EPN3: variants seen among roughly 807,000 people sequenced by gnomAD.
EPN3 encodes the protein epsin-3.
Under a neutral mutation model 55.5 loss-of-function variants are expected in EPN3, and 56 were observed. The ratio of observed to expected loss-of-function variants is 1.01; its 90% confidence interval spans 0.81 to 1.26. The LOEUF (loss-of-function observed/expected upper bound fraction) is 1.26, where lower values mean the gene tolerates loss of function less well. EPN3 is among the 50% of genes most tolerant of loss of function. The probability of loss-of-function intolerance (pLI) is 0.00; values close to 1 mark genes in which losing one functional copy is unlikely to be tolerated. For synonymous variants in EPN3, 449 were observed against 375.2 expected (o/e 1.20, Z -2.27); for missense variants, 927 against 853.4 (o/e 1.09, Z -1.07).
At chr17:50,534,097 AGGCTTCTTCCTTTCCTCCTCCCTTCTCTG>A (rs2034723172) in intron 1 of EPN3, among the ~76,000 whole-genome samples, 1 of 20,322 alleles carries the variant, frequency 4.9e-5, no homozygotes, top group Admixed American at 5.3e-4. Context: ...GCGCTTGGGC[AGGCTTCTTCCTTTCCTCCTCCCTTCTCTG>A]CGCTTGGGCA....
chr17:50,537,261 G>GC lies in EPN3; in HGVS notation c.562+144dup, dbSNP rs1255504917. 3.7e-6 allele frequency: 3 copies of GC among 811,262 alleles called. No homozygotes were observed. In the African/African-American group the frequency reaches 5.2e-5, roughly 14 times the overall value. The allele number at this position is 811,262 out of a possible 1,614,324, so 50.3% of individuals were successfully genotyped here. Reference sequence around the variant, plus strand: ...ACATAAGGAATGTAACACGCAAGGCGCAACACCCGGCACATAGGAGGTGCT... The same window carrying GC: ...ACATAAGGAATGTAACACGCAAGGCGCCAACACCCGGCACATAGGAGGTGCT... On this transcript the variant is annotated intron_variant, in intron 2 of 9. Transcript: ENST00000268933.
chr17:50,537,451 G>T, intron 2 of EPN3: 1 of 385,344 alleles, frequency 2.6e-6, no homozygotes, highest in South Asian at 2.9e-5. Context: ...CTGAACCTCA[G>T]TTTCCTCATC....
At chr17:50,540,727 T>C in intron 6 of EPN3, 66 bp from the exon 7 acceptor site, 1 of 1,513,788 alleles carries the variant, frequency 6.6e-7, no homozygotes, top group Non-Finnish European at 8.9e-7. Flanking sequence ...GCTGGGTAAC[T>C]GGGAAGGGCC....
chr17:50,537,803 G>A (rs1002352902), intron 2 of EPN3: 6 of 426,698 alleles, frequency 1.4e-5, no homozygotes, highest in African/African-American at 2.0e-5. Context: ...GCTGGAGTCA[G>A]GGCACCTGGG....
chr17:50,536,392 C>T (rs1597860044), intron 1 of EPN3, 29 bp from the exon 2 acceptor site: 2 of 1,452,902 alleles, frequency 1.4e-6, no homozygotes, highest in East Asian at 4.9e-5. Context: ...AGGCCTCTGC[C>T]CCTGAGTTCC....
Position 50,536,438 on chromosome 17 carries a change from G to A in EPN3, c.-119G>A, listed in dbSNP as rs564058181. Reference sequence around the variant, plus strand: ...TTCCTCAGCCCCATGTGGAACCCAAGGATGCAGCTGCTCTGCTAACACGGC... The same window carrying A: ...TTCCTCAGCCCCATGTGGAACCCAAAGATGCAGCTGCTCTGCTAACACGGC... On this transcript the variant is annotated 5_prime_UTR_variant, in exon 2 of 10. Coordinates refer to ENST00000268933, the MANE Select transcript of EPN3 (RefSeq NM_017957.3). 37 of 1,537,616 alleles carry A rather than the reference G, an allele frequency of 2.4e-5. No individual in the cohort carries two copies. Among genetic ancestry groups the A allele is most frequent in the Non-Finnish European group, 3.0e-5 (35 of 1,152,378 alleles).
intron 1 of EPN3, among the ~76,000 whole-genome samples, chr17:50,533,513 G>A (rs2034709779): frequency 6.6e-6 from 1 of 152,168 alleles, no homozygotes; most frequent in African/African-American, 2.4e-5. Context: ...GGGCTGGGCT[G>A]GTGGGTGCAC....
In EPN3 at chr17:50,541,752, GCC is replaced by G. The variant is rs2034851826; in HGVS notation, c.1585+59_1585+60del. ...CTCCTGCTTTCAGAGCCTAGCCTCC[GCC>G]GGAGGAGCCCACTCTTCTTCCCAAC... On this transcript the variant is annotated intron_variant, in intron 9 of 9. Coordinates refer to ENST00000268933, the MANE Select transcript of EPN3 (RefSeq NM_017957.3). 2.5e-6 allele frequency: 4 copies of G among 1,606,544 alleles called. No homozygotes were observed. In the African/African-American group the frequency reaches 4.0e-5, roughly 16 times the overall value.
Position 50,534,677 on chromosome 17 carries a change from C to T in EPN3, c.-137+1692C>T, listed in dbSNP as rs569897582. On this transcript the variant is annotated intron_variant, in intron 1 of 9. Coordinates refer to ENST00000268933, the MANE Select transcript of EPN3 (RefSeq NM_017957.3). ...GGTAGGCTGCGCTGTGGGCCAGGCA[C>T]TCTCCACCTCGCCCACTCCCACGGT... 2.3e-5 allele frequency: 23 copies of T among 979,990 alleles called. No individual in the cohort carries two copies. In the East Asian group the frequency reaches 2.3e-3, roughly 97 times the overall value. 60.7% of individuals were successfully genotyped at this position (979,990 alleles called of 1,614,324 possible).
chr17:50,540,582 G>A (rs2034833743), intron 6 of EPN3, among the ~76,000 whole-genome samples: 1 of 152,228 alleles, frequency 6.6e-6, no homozygotes, highest in Non-Finnish European at 1.5e-5. Flanking sequence ...CAGCACGCCT[G>A]GGAAGGTGGC....
Position 50,540,846 on chromosome 17 carries a change from C to T in EPN3, c.1033C>T (p.Pro345Ser). ...ATCCTCCTGGGGGCCTTCTGCAGAC[C>T]CCTGGTCTCCGATCCCCTCAGGAAC... ...SGSSWGPSAD[P>S]WSPIPSGTVL... Residue 345 changes from proline to serine, a missense_variant, in exon 7 of 10, where the codon CCC becomes TCC. Transcript: ENST00000268933. The T allele has an allele frequency of 6.2e-7, 1 of 1,614,032 alleles. No individual in the cohort carries two copies. Among genetic ancestry groups the T allele is most frequent in the Non-Finnish European group, 8.5e-7 (1 of 1,179,964 alleles).
intron 1 of EPN3, among the ~76,000 whole-genome samples, chr17:50,535,772 T>C (rs563597333): frequency 6.6e-6 from 1 of 152,256 alleles, no homozygotes; most frequent in Admixed American, 6.5e-5. Flanking sequence ...CTCCGGGAAA[T>C]AGGTGTTGAA....
rs1287864946 is a variant in EPN3, at chr17:50,542,004, G to A, written c.1746G>A (p.Pro582=). Reference sequence around the variant, plus strand: ...CCTACAGCGCCTCTCTGCCCCTCCCGCTCAGCAGCGTGCCAGCTGGCTTGA... The same window carrying A: ...CCTACAGCGCCTCTCTGCCCCTCCCACTCAGCAGCGTGCCAGCTGGCTTGA... The part of the protein sequence containing the change: ...SMTYSASLPL[P]LSSVPAGLTL... The change falls in exon 10 of 10, where the codon CCG becomes CCA. Residue 582 remains proline (P), a synonymous_variant. Transcript: ENST00000268933. The A allele has an allele frequency of 2.5e-6, 4 of 1,597,950 alleles. No individual in the cohort carries two copies. Among genetic ancestry groups the A allele is most frequent in the East Asian group, 4.5e-5 (2 of 44,692 alleles).
Position 50,536,857 on chromosome 17 carries a change from T to C in EPN3, c.301T>C (p.Tyr101His), listed in dbSNP as rs755014702. The change falls in exon 2 of 10, where the codon TAC (tyrosine) becomes CAC (histidine). Residue 101 changes from tyrosine to histidine, a missense_variant. By Grantham distance (83) the Tyr-to-His change is moderately conservative. Transcript: ENST00000268933. ...GGCCCACCAGTGCCGCGAGAACCTC[T>C]ACACCATCCAGACACTCAAGGACTT... ...RVAHQCRENL[Y>H]TIQTLKDFQY... The C allele has an allele frequency of 7.4e-6, 12 of 1,614,000 alleles. No homozygotes were observed. The East Asian group carries it at 2.5e-4, about 33-fold the overall frequency.
In EPN3 at chr17:50,537,099, C is replaced by T. The variant is rs751940935; in HGVS notation, c.543C>T (p.Gly181=). ...GCGAGGACTACAGCCGCTCCCGGGG[C>T]TCCCCGTCCTCCTACAACTGTGAGT... The part of the protein sequence containing the change: ...RYGEDYSRSR[G]SPSSYNSSSS... Residue 181 remains glycine (G), a synonymous_variant, in exon 2 of 10, where the codon GGC becomes GGT. Transcript: ENST00000268933. The T allele has an allele frequency of 1.9e-6, 3 of 1,603,896 alleles. No individual in the cohort carries two copies. The highest frequency in any genetic ancestry group is 2.5e-6 in the Non-Finnish European group (3 of 1,176,738).
At chr17:50,539,730 C>A (rs1320489520) in intron 5 of EPN3, among the ~76,000 whole-genome samples, 1 of 152,218 alleles carries the variant, frequency 6.6e-6, no homozygotes, top group Admixed American at 6.5e-5. Flanking sequence ...GGCTCATGGA[C>A]ATATTTTCTC....
At position 50,536,406 on chromosome 17, in the gene EPN3, C is replaced by A. The variant is rs771594606; in HGVS notation, c.-136-15C>A. 3 of 1,473,046 alleles carry A rather than the reference C, an allele frequency of 2.0e-6. No individual in the cohort carries two copies. In the East Asian group the frequency reaches 7.2e-5, roughly 35 times the overall value. The allele number at this position is 1,473,046 out of a possible 1,614,324, so 91.2% of individuals were successfully genotyped here. On this transcript the variant is annotated splice_polypyrimidine_tract_variant and intron_variant, in intron 1 of 9. Coordinates refer to ENST00000268933, the MANE Select transcript of EPN3 (RefSeq NM_017957.3). ...TAGGCCTCTGCCCCTGAGTTCCTGG[C>A]CCTCTCTTCCTCAGCCCCATGTGGA...
rs2034853264 is a variant in EPN3 at position 50,541,832 on chromosome 17, C to A, written c.1586-12C>A. On this transcript the variant is annotated splice_polypyrimidine_tract_variant and intron_variant, in intron 9 of 9. Coordinates refer to ENST00000268933, the MANE Select transcript of EPN3 (RefSeq NM_017957.3). ...GAACCCCGGGTCACTCAAAGCCACT[C>A]TCGTTCTGCAGGTCTCAGCGCTCCG... The A allele has an allele frequency of 6.2e-7, 1 of 1,611,034 alleles. No homozygotes were observed. The highest frequency in any genetic ancestry group is 1.7e-5 in the Admixed American group (1 of 60,018).
chr17:50,541,908 C>T lies in EPN3; in HGVS notation c.1650C>T (p.Asn550=). ...GAGEPGRPTL[N]QMRTGSPALG... ...GCGAGCCGGGCAGGCCGACGCTAAACCAGATGCGCACCGGCTCGCCGGCGC... is the reference window on the plus strand; with the variant it reads ...GCGAGCCGGGCAGGCCGACGCTAAATCAGATGCGCACCGGCTCGCCGGCGC... Residue 550 remains asparagine, a synonymous_variant, in exon 10 of 10, where the codon AAC becomes AAT. Transcript: ENST00000268933. 1.2e-6 allele frequency: 2 copies of T among 1,604,532 alleles called. No individual in the cohort carries two copies. The highest frequency in any genetic ancestry group is 1.7e-6 in the Non-Finnish European group (2 of 1,179,496).
Sources: allele counts gnomAD v4.1 joint callset (sites outside exome capture counted in the v4.1 genomes callset), GRCh38; gene constraint gnomAD v4.1.1; transcripts MANE v1.5; gene names NCBI Gene and HGNC (gene_info 2026-07-23, HGNC 2026-07-21).